The following ARHGAP21 variants were observed in gnomAD, a reference collection of about 807,000 sequenced individuals.
ARHGAP21 encodes the protein rho GTPase-activating protein 21.
ARHGAP21 carries 38 observed loss-of-function variants against 164.6 expected under a neutral mutation model. The ratio of observed to expected loss-of-function variants is 0.23; its 90% CI spans 0.18 to 0.30. The LOEUF is 0.30. Ranked by LOEUF, ARHGAP21 falls within the 10% of genes least tolerant of loss-of-function variation. The pLI is 1.00. For synonymous variants in ARHGAP21, 766 were observed against 857.9 expected, an observed-to-expected ratio of 0.89 and a Z score of 1.87; for missense variants, 1,822 against 2,370.7, an observed-to-expected ratio of 0.77 and a Z score of 4.81.
At chr10:24,682,994 G>A (rs968795535) in intron 2 of ARHGAP21, among the ~76,000 whole-genome samples, 19 of 151,496 alleles carry the variant, frequency 1.3e-4, no homozygotes, top group African/African-American at 4.6e-4. Context: ...TGCTTGAGAG[G>A]CTGAGACAGG....
In ARHGAP21 at chr10:24,607,865, G is replaced by A; in HGVS notation, c.2461C>T (p.His821Tyr). The A allele has an allele frequency of 6.2e-7, 1 of 1,613,910 alleles. No individual in the cohort carries two copies. Among genetic ancestry groups the A allele is most frequent in the South Asian group, 1.1e-5 (1 of 91,022 alleles). The part of the protein sequence containing the change: ...TSPSIDHDIA[H>Y]IPASAVISAS... ...GATATAACAGCAGAGGCAGGGATAT[G>A]TGCAATATCATGATCAATGCTAGGG... The change falls in exon 10 of 26, where the codon CAT becomes TAT. Residue 821 changes from histidine to tyrosine, a missense_variant. Physicochemically the swap from His to Tyr is moderately conservative, Grantham distance 83. This residue lies in a region of ARHGAP21 where 1,090 missense variants were observed against 1,378.9 expected (regional missense o/e 0.79). Coordinates refer to ENST00000396432, the MANE Select transcript of ARHGAP21 (RefSeq NM_020824.4).
At chr10:24,697,348 A>C (rs943110762) in intron 2 of ARHGAP21, among the ~76,000 whole-genome samples, 13 of 152,124 alleles carry the variant, frequency 8.5e-5, no homozygotes, top group Non-Finnish European at 1.8e-4. Flanking sequence ...CAGAAAAAGA[A>C]AGAGACAAAA....
Position 24,620,746 on chromosome 10 carries a change from G to T in ARHGAP21, c.1149C>A (p.His383Gln). 6.2e-7 allele frequency: 1 copy of T among 1,614,188 alleles called. No individual in the cohort carries two copies. The highest frequency in any genetic ancestry group is 1.1e-5 in the South Asian group (1 of 91,088). Residue 383 changes from histidine (H) to glutamine (Q), a missense_variant, in exon 9 of 26, where the codon CAC becomes CAA. His to Gln is a conservative substitution (Grantham distance 24). Around this residue, in one of 5 missense-constraint regions of ARHGAP21, gnomAD observed 1,090 missense variants for 1,378.9 expected, o/e 0.79. Transcript: ENST00000396432. ...AAGTTTTATAGTTTTTCCAGTCTAT[G>T]TGCTGATGGGAATTTGGCGAATAGT... ...VNHYSPNSHQ[H>Q]IDWKNYKTYK...
chr10:24,585,722 T>C lies in ARHGAP21; in HGVS notation c.4567A>G (p.Ile1523Val), dbSNP rs765823375. 1 of 1,614,100 alleles carries C rather than the reference T, an allele frequency of 6.2e-7. No individual in the cohort carries two copies. The highest frequency in any genetic ancestry group is 2.2e-5 in the East Asian group (1 of 44,870). Residue 1523 changes from isoleucine to valine, a missense_variant, in exon 26 of 26, where the codon ATC becomes GTC. Around this residue, in one of 5 missense-constraint regions of ARHGAP21, gnomAD observed 333 missense variants for 383.9 expected, o/e 0.87. Transcript: ENST00000396432. ...KSPTLSCRFA[I>V]LKESPRSLLA... Reference sequence around the variant, plus strand: ...AGTGACCTGGGGCTCTCTTTCAGGATGGCAAAGCGACAGCTGAGAGTTGGT... The same window carrying C: ...AGTGACCTGGGGCTCTCTTTCAGGACGGCAAAGCGACAGCTGAGAGTTGGT...
At chr10:24,622,440 ATATATATATATATATAT>A (rs1565039622) in intron 8 of ARHGAP21, among the ~76,000 whole-genome samples, 178 of 8,602 alleles carry the variant, frequency 0.021, no homozygotes, top group Middle Eastern at 0.19. Flanking sequence ...AAACATATAT[ATATATATATATATATAT>A]ATATATATAT....
intron 4 of ARHGAP21, among the ~76,000 whole-genome samples, chr10:24,661,953 G>C (rs1489893988): frequency 6.6e-6 from 1 of 152,152 alleles, no homozygotes; most frequent in Non-Finnish European, 1.5e-5. Flanking sequence ...AATAGCCTGA[G>C]ACCCCAACGA....
intron 2 of ARHGAP21, among the ~76,000 whole-genome samples, chr10:24,675,091 A>C (rs1352631442): frequency 6.6e-6 from 1 of 152,230 alleles, no homozygotes; most frequent in Non-Finnish European, 1.5e-5. Flanking sequence ...AGAAATTGAA[A>C]GCATACGTCA....
In ARHGAP21 at chr10:24,620,327, T is replaced by G; in HGVS notation, c.1568A>C (p.Lys523Thr). The G allele has an allele frequency of 6.2e-7, 1 of 1,613,972 alleles. No individual in the cohort carries two copies. Among genetic ancestry groups the G allele is most frequent in the Non-Finnish European group, 8.5e-7 (1 of 1,179,868 alleles). The change falls in exon 9 of 26, where the codon AAA (lysine) becomes ACA (threonine). Residue 523 changes from lysine (K) to threonine (T), a missense_variant. This residue lies in a region of ARHGAP21 where 1,090 missense variants were observed against 1,378.9 expected (regional missense o/e 0.79). Coordinates refer to ENST00000396432, the MANE Select transcript of ARHGAP21 (RefSeq NM_020824.4). ...AAACCCACTCCACTTGTAAGTCTGT[T>G]TTTTCTCTCCATTGGAATCAGGTAT... is the stretch of plus-strand genomic sequence containing the variant. ...TPIPDSNGEK[K>T]QTYKWSGFTE...
At chr10:24,604,704 G>T (rs1320890285) in intron 11 of ARHGAP21, among the ~76,000 whole-genome samples, 1 of 152,104 alleles carries the variant, frequency 6.6e-6, no homozygotes, top group African/African-American at 2.4e-5. Flanking sequence ...TGTTAATTAT[G>T]ATCAGTAAGC....
chr10:24,688,672 C>T (rs1008507555), intron 2 of ARHGAP21, among the ~76,000 whole-genome samples: 4 of 152,106 alleles, frequency 2.6e-5, no homozygotes, highest in East Asian at 1.9e-4. Context: ...TCATATCAGA[C>T]GTGAATCACC....
chr10:24,628,916 CACATATATAT>C (rs1417251454), intron 7 of ARHGAP21: 16 of 99,604 alleles, frequency 1.6e-4, no homozygotes, highest in Admixed American at 6.4e-4. Flanking sequence ...CACATATATA[CACATATATAT>C]ACATACATAT....
Position 24,670,386 on chromosome 10 carries a change from A to AT in ARHGAP21, c.74dup (p.Asn25LysfsTer2). ...TTTCACTTTGTTCTTTTCCATCTTTATTTTTTGAGACCTAAAGTGAAAAGA... is the reference window on the plus strand; with the variant it reads ...TTTCACTTTGTTCTTTTCCATCTTTATTTTTTTGAGACCTAAAGTGAAAAGA... On this transcript the variant is annotated frameshift_variant, in exon 3 of 26. Coordinates refer to ENST00000396432, the MANE Select transcript of ARHGAP21 (RefSeq NM_020824.4). LOFTEE classifies it high-confidence loss of function. 6.3e-7 allele frequency: 1 copy of AT among 1,591,894 alleles called. No homozygotes were observed. Among genetic ancestry groups the AT allele is most frequent in the East Asian group, 2.2e-5 (1 of 44,468 alleles).
chr10:24,606,318 C>T (rs2077022527), intron 11 of ARHGAP21, among the ~76,000 whole-genome samples: 1 of 151,892 alleles, frequency 6.6e-6, no homozygotes, highest in Non-Finnish European at 1.5e-5. Context: ...TGTTAGCTTT[C>T]TTTATATAAA....
chr10:24,628,984 T>TATATATATATATA, intron 7 of ARHGAP21: 1 of 12,948 alleles, frequency 7.7e-5, no homozygotes, highest in Non-Finnish European at 1.3e-4. Flanking sequence ...ATATATATAT[T>TATATATATATATA]TTTTTTTTTT....
At chr10:24,701,654 G>T (rs1843683363) in intron 2 of ARHGAP21, among the ~76,000 whole-genome samples, 2 of 152,130 alleles carry the variant, frequency 1.3e-5, no homozygotes, top group African/African-American at 4.8e-5. Context: ...AATGACTAGG[G>T]TTTGAAAAGG....
intron 4 of ARHGAP21, among the ~76,000 whole-genome samples, chr10:24,656,117 G>A (rs1373626386): frequency 6.8e-6 from 1 of 147,334 alleles, no homozygotes; most frequent in Non-Finnish European, 1.5e-5. Context: ...CATCTGGGAA[G>A]TGAGGAGTGT....
intron 21 of ARHGAP21, 30 bp downstream of exon 21, chr10:24,594,920 G>A: frequency 6.5e-7 from 1 of 1,536,908 alleles, no homozygotes; most frequent in Non-Finnish European, 9.0e-7. Context: ...GCCACTAAAA[G>A]TACATTTCTT....
intron 7 of ARHGAP21, among the ~76,000 whole-genome samples, chr10:24,628,535 A>G (rs1016647389): frequency 5.9e-5 from 9 of 152,116 alleles, no homozygotes; most frequent in Non-Finnish European, 1.2e-4. Flanking sequence ...TTACCACGAC[A>G]AAGAGTCCAT....
chr10:24,676,730 A>G (rs939330853), intron 2 of ARHGAP21, among the ~76,000 whole-genome samples: 1 of 152,184 alleles, frequency 6.6e-6, no homozygotes, highest in African/African-American at 2.4e-5. Context: ...GAGTCAGCTG[A>G]ATCAGGCACT....
Sources: gnomAD v4.1 joint callset for allele counts (sites outside exome capture counted in the v4.1 genomes callset) on GRCh38, gnomAD v4.1.1 for gene constraint, gnomAD v4.1.1 regional missense constraint, MANE v1.5 for transcripts, NCBI Gene and HGNC (gene_info 2026-07-23, HGNC 2026-07-21) for gene names.